STX1A: variants seen among roughly 807,000 people sequenced by gnomAD.
STX1A encodes syntaxin-1A.
Under a neutral mutation model 37.8 loss-of-function variants are expected in STX1A, and 4 were observed. That is an observed-to-expected ratio of 0.11 (90% CI 0.05 to 0.24). The LOEUF is 0.24. Among genes scored for constraint, STX1A ranks in the 10% least tolerant of loss-of-function variants. The pLI is 1.00. For synonymous variants in STX1A, 135 were observed against 147.4 expected (o/e 0.92, Z 0.61); for missense variants, 251 against 399.9 (o/e 0.63, Z 3.18).
Position 73,715,663 on chromosome 7 carries a change from G to A in STX1A, c.30+3939C>T, listed in dbSNP as rs1404975599. 3.3e-5 allele frequency among the ~76,000 whole-genome samples: 5 copies of A among 152,172 alleles called. No homozygotes were observed. In the East Asian group the frequency reaches 7.7e-4, roughly 23 times the overall value. The stretch of plus-strand genomic sequence containing the variant: ...TAATAGTCTGACTCCTCCAAGAGGC[G>A]CAGAGGCCAGGCAGCCTCCAGGCGT... On this transcript the variant is annotated intron_variant, in intron 1 of 9. Coordinates refer to ENST00000222812, the MANE Select transcript of STX1A (RefSeq NM_004603.4).
chr7:73,718,064 G>A (rs2116781404), intron 1 of STX1A, among the ~76,000 whole-genome samples: 1 of 152,176 alleles, frequency 6.6e-6, no homozygotes, highest in South Asian at 2.1e-4. Flanking sequence ...CCTACCAGGC[G>A]CCTAAACATC....
rs1339471039 is a variant in STX1A at position 73,703,657 on chromosome 7, G to T, written c.540+98C>A. 2.9e-6 allele frequency: 4 copies of T among 1,380,062 alleles called. No homozygotes were observed. In the Admixed American group the frequency reaches 5.3e-5, roughly 18 times the overall value. The allele number at this position is 1,380,062 out of a possible 1,614,324, so 85.5% of individuals were successfully genotyped here. The stretch of plus-strand genomic sequence containing the variant: ...TTCCCTAAAACCTGCCTTACAAGGG[G>T]TCTGTGTCCAAATACTGTCCAGACC... On this transcript the variant is annotated intron_variant, in intron 7 of 9. Coordinates refer to ENST00000222812, the MANE Select transcript of STX1A (RefSeq NM_004603.4).
chr7:73,719,666 G>A lies in STX1A; in HGVS notation c.-35C>T, dbSNP rs1267018419. 4.8e-5 allele frequency: 56 copies of A among 1,169,292 alleles called. No individual in the cohort carries two copies. The highest frequency in any genetic ancestry group is 5.6e-5 in the Non-Finnish European group (53 of 945,454). 72.4% of individuals were successfully genotyped at this position (1,169,292 alleles called of 1,614,324 possible). A position where few individuals can be genotyped will look rare whatever the true frequency, so the allele number is the denominator to read the frequency against. ...AGTGGCAGCGGCGCCGGCTGCAGCC[G>A]TGTGAGCCCCGCATGCGCGACGGCC... On this transcript the variant is annotated 5_prime_UTR_variant, in exon 1 of 10. The change creates a new upstream start codon in the 5' untranslated region. Transcript: ENST00000222812.
chr7:73,703,885 C>A, intron 6 of STX1A, 57 bp from the exon 7 acceptor site: 1 of 1,566,948 alleles, frequency 6.4e-7, no homozygotes, highest in African/African-American at 1.3e-5. Context: ...TCAGCAGCAG[C>A]ATTGGGCCCC....
At position 73,699,636 on chromosome 7, in the gene STX1A, A is replaced by C. The variant is rs1441614244; in HGVS notation, c.*771T>G. 6.6e-6 allele frequency: 1 copy of C among 152,620 alleles called. No homozygotes were observed. Among genetic ancestry groups the C allele is most frequent in the Non-Finnish European group, 1.5e-5 (1 of 68,102 alleles). 9.5% of individuals were successfully genotyped at this position (152,620 alleles called of 1,614,324 possible). A position where few individuals can be genotyped will look rare whatever the true frequency, so the allele number is the denominator to read the frequency against. On this transcript the variant is annotated 3_prime_UTR_variant, in exon 10 of 10. Coordinates refer to ENST00000222812, the MANE Select transcript of STX1A (RefSeq NM_004603.4). The stretch of plus-strand genomic sequence containing the variant: ...CTGACTTCCCAGAGCGCAAGACAAC[A>C]GGAGCCACCATCCCAAACATGCAAC...
In STX1A at chr7:73,702,700, C is replaced by G; in HGVS notation, c.678+145G>C. On this transcript the variant is annotated intron_variant, in intron 8 of 9. Transcript: ENST00000222812. This position sits in a 1 kb window ranked among gnomAD's most constrained non-coding sequence, Gnocchi z 4.7. ...GACCTTCGGGTCGGCAGGGCCCTGG[C>G]GGCAGTTTCAACAGCGGGTGATTGG... is the stretch of plus-strand genomic sequence containing the variant. 1 of 1,515,268 alleles carries G rather than the reference C, an allele frequency of 6.6e-7. No individual in the cohort carries two copies. The highest frequency in any genetic ancestry group is 1.4e-5 in the African/African-American group (1 of 73,120). 93.9% of individuals were successfully genotyped at this position (1,515,268 alleles called of 1,614,324 possible).
At position 73,702,826 on chromosome 7, in the gene STX1A, AG is replaced by A. The variant is rs1222235786; in HGVS notation, c.678+18del. The A allele has an allele frequency of 6.2e-7, 1 of 1,613,638 alleles. No homozygotes were observed. ...GCTGGTGTGGGCTGGAGTGGAGGGC[AG>A]GGGGGCCCGGCACTCACCTGGCTCT... On this transcript the variant is annotated intron_variant, in intron 8 of 9. Transcript: ENST00000222812. This position sits in a 1 kb window ranked among gnomAD's most constrained non-coding sequence, Gnocchi z 4.7.
chr7:73,714,601 T>A (rs1195011788), intron 1 of STX1A, among the ~76,000 whole-genome samples: 1 of 138,750 alleles, frequency 7.2e-6, no homozygotes, highest in African/African-American at 2.7e-5. Context: ...GGTCTCACTA[T>A]GTTGCTCAGG....
chr7:73,703,041 C>T (rs1798721613), intron 7 of STX1A, 59 bp from the exon 8 acceptor site: 1 of 1,396,868 alleles, frequency 7.2e-7, no homozygotes, highest in Non-Finnish European at 9.6e-7. Context: ...GGGCAGAGGG[C>T]CGAGGGGGAG....
At chr7:73,703,918 G>A (rs1172375735) in intron 6 of STX1A, 90 bp from the exon 7 acceptor site, 1 of 1,431,886 alleles carries the variant, frequency 7.0e-7, no homozygotes. Flanking sequence ...CCAGGCCCGG[G>A]CTCCCCCCAG....
chr7:73,705,283 G>C lies in STX1A; in HGVS notation c.209-59C>G. The C allele has an allele frequency of 6.9e-7, 1 of 1,441,858 alleles. No individual in the cohort carries two copies. Among genetic ancestry groups the C allele is most frequent in the South Asian group, 1.1e-5 (1 of 87,582 alleles). The allele number at this position is 1,441,858 out of a possible 1,614,324, so 89.3% of individuals were successfully genotyped here. A position where few individuals can be genotyped will look rare whatever the true frequency, so the allele number is the denominator to read the frequency against. ...TAGGCTCCGCGGGGACTGATGTGCA[G>C]GCTCAGCCTCCAGCCCAGGGGGCCC... On this transcript the variant is annotated intron_variant, in intron 3 of 9. Coordinates refer to ENST00000222812, the MANE Select transcript of STX1A (RefSeq NM_004603.4). This position sits in a 1 kb window ranked among gnomAD's most constrained non-coding sequence, Gnocchi z 5.2.
Position 73,717,421 on chromosome 7 carries a change from G to C in STX1A, c.30+2181C>G, listed in dbSNP as rs1554618864. ...CAGGCCTCCTACAAATGTGGAGCTG[G>C]AGTCAGGAGACCTGTAGCCCTGCTT... On this transcript the variant is annotated intron_variant, in intron 1 of 9. Transcript: ENST00000222812. The surrounding 1 kb of genome is among the most constrained non-coding windows in gnomAD (Gnocchi z 4.1). 6.6e-6 allele frequency among the ~76,000 whole-genome samples: 1 copy of C among 152,176 alleles called. No individual in the cohort carries two copies. The highest frequency in any genetic ancestry group is 1.9e-4 in the East Asian group (1 of 5,190).
chr7:73,711,256 CT>C (rs1158439937), intron 1 of STX1A: 1 of 152,396 alleles, frequency 6.6e-6, no homozygotes, highest in African/African-American at 2.4e-5. Context: ...ATCTTCCCAC[CT>C]TGGCTTCCCA....
At chr7:73,712,682 C>G (rs1253530436) in intron 1 of STX1A, among the ~76,000 whole-genome samples, 1 of 152,132 alleles carries the variant, frequency 6.6e-6, no homozygotes, top group Non-Finnish European at 1.5e-5. Context: ...TGTTAGAGTC[C>G]TTCTCTTCCC....
chr7:73,699,649 C>T lies in STX1A; in HGVS notation c.*758G>A, dbSNP rs1798573852. The T allele has an allele frequency of 6.6e-6, 1 of 152,650 alleles. No homozygotes were observed. The highest frequency in any genetic ancestry group is 2.1e-4 in the South Asian group (1 of 4,836). 9.5% of individuals were successfully genotyped at this position (152,650 alleles called of 1,614,324 possible). A position where few individuals can be genotyped will look rare whatever the true frequency, so the allele number is the denominator to read the frequency against. ...GCGCAAGACAACAGGAGCCACCATC[C>T]CAAACATGCAACGCTGGCTTGAGGG... On this transcript the variant is annotated 3_prime_UTR_variant, in exon 10 of 10. Coordinates refer to ENST00000222812, the MANE Select transcript of STX1A (RefSeq NM_004603.4).
At position 73,717,322 on chromosome 7, in the gene STX1A, C is replaced by A. The variant is rs1202830371; in HGVS notation, c.30+2280G>T. 6.6e-6 allele frequency among the ~76,000 whole-genome samples: 1 copy of A among 152,174 alleles called. No homozygotes were observed. The highest frequency in any genetic ancestry group is 1.5e-5 in the Non-Finnish European group (1 of 68,020). ...CCGCCCCAGTCCAGCCCAGTCCAGC[C>A]CAGTCCAGCTCAGCCAGTGCTGGCC... is the stretch of plus-strand genomic sequence containing the variant. On this transcript the variant is annotated intron_variant, in intron 1 of 9. Transcript: ENST00000222812. This position sits in a 1 kb window ranked among gnomAD's most constrained non-coding sequence, Gnocchi z 4.1.
chr7:73,703,741 G>A lies in STX1A; in HGVS notation c.540+14C>T, dbSNP rs782458189. ...TGAGGGGGTCATGGCAGGAGGGATG[G>A]GGCCTACACTCACCCCAGAGGCAAA... On this transcript the variant is annotated intron_variant, in intron 7 of 9. Coordinates refer to ENST00000222812, the MANE Select transcript of STX1A (RefSeq NM_004603.4). The A allele has an allele frequency of 2.5e-6, 4 of 1,611,674 alleles. No homozygotes were observed. The East Asian group carries it at 6.7e-5, about 27-fold the overall frequency.
intron 1 of STX1A, among the ~76,000 whole-genome samples, chr7:73,716,044 C>A (rs1332458790): frequency 1.3e-5 from 2 of 152,214 alleles, no homozygotes; most frequent in Non-Finnish European, 2.9e-5. Flanking sequence ...GGCTGCATGA[C>A]CTCAGATAAA....
Position 73,700,565 on chromosome 7 carries a change from G to A in STX1A, c.790-81C>T, listed in dbSNP as rs1418269678. 1 of 1,551,472 alleles carries A rather than the reference G, an allele frequency of 6.4e-7. No individual in the cohort carries two copies. The highest frequency in any genetic ancestry group is 8.8e-7 in the Non-Finnish European group (1 of 1,138,188). On this transcript the variant is annotated intron_variant, in intron 9 of 9. Transcript: ENST00000222812. The surrounding 1 kb of genome is among the most constrained non-coding windows in gnomAD (Gnocchi z 4.4). ...GGACTATGGCAAAGGCTGAGGACTG[G>A]ACAGTCGGGGGGGATCCAAGCAGGG...
Sources: allele counts gnomAD v4.1 joint callset (sites outside exome capture counted in the v4.1 genomes callset), GRCh38; gene constraint gnomAD v4.1.1; non-coding constraint Gnocchi (gnomAD v3.1); transcripts MANE v1.5; gene names NCBI Gene and HGNC (gene_info 2026-07-23, HGNC 2026-07-21).